The following ANO3 variants were observed in gnomAD, a reference collection of about 807,000 sequenced individuals.
The protein encoded by ANO3 is anoctamin 3.
ANO3 carries 99 observed loss-of-function variants against 144.8 expected under a neutral mutation model. That is an observed-to-expected ratio of 0.68 (90% confidence interval 0.58 to 0.81). ANO3 has a LOEUF of 0.81. ANO3 is among the 30% of genes least tolerant of loss of function. ANO3 has a pLI of 0.00. For missense variants in ANO3, 905 were observed against 1,202.2 expected (o/e 0.75, Z 3.66); for synonymous variants, 414 against 392.6 (o/e 1.05, Z -0.64).
intron 11 of ANO3, among the ~76,000 whole-genome samples, chr11:26,545,285 G>A (rs149276729): frequency 9.8e-4 from 149 of 152,176 alleles, no homozygotes; most frequent in Non-Finnish European, 1.1e-3. Context: ...GGCACAGCCT[G>A]TATTGTCTCA....
chr11:26,615,414 A>ATATATATATATATATTT (rs1352935016), intron 17 of ANO3, among the ~76,000 whole-genome samples: 58 of 130,658 alleles, frequency 4.4e-4, no homozygotes, highest in Admixed American at 1.4e-3. Flanking sequence ...ATATATATAT[A>ATATATATATATATATTT]TTTTTTTTTT....
intron 14 of ANO3, among the ~76,000 whole-genome samples, chr11:26,574,010 A>G (rs1490617119): frequency 6.6e-6 from 1 of 152,154 alleles, no homozygotes; most frequent in Non-Finnish European, 1.5e-5. Context: ...GACCAATCCC[A>G]CTTTAGACCT....
At chr11:26,507,844 T>C (rs1861497478) in intron 4 of ANO3, among the ~76,000 whole-genome samples, 1 of 152,196 alleles carries the variant, frequency 6.6e-6, no homozygotes, top group Non-Finnish European at 1.5e-5. Context: ...GAATAAAACA[T>C]ATGCATTTTT....
chr11:26,627,620 A>C (rs1359220723), intron 18 of ANO3, among the ~76,000 whole-genome samples: 1 of 152,136 alleles, frequency 6.6e-6, no homozygotes, highest in African/African-American at 2.4e-5. Flanking sequence ...TGGGAAAATC[A>C]TACTTAATAG....
intron 8 of ANO3, among the ~76,000 whole-genome samples, chr11:26,533,956 C>T (rs10767550): frequency 0.7 from 106,845 of 151,632 alleles, 37,999 homozygotes; most frequent in East Asian, 0.84. Flanking sequence ...ACCCTTCCAT[C>T]CCTCTTGAGC....
chr11:26,440,026 A>T (rs1001296479), intron 1 of ANO3, among the ~76,000 whole-genome samples: 5 of 152,192 alleles, frequency 3.3e-5, no homozygotes, highest in African/African-American at 1.2e-4. Context: ...CACAATAAAA[A>T]GTCCCTTTGC....
intron 1 of ANO3, among the ~76,000 whole-genome samples, chr11:26,279,039 A>G (rs1229554008): frequency 6.6e-6 from 1 of 152,158 alleles, no homozygotes; most frequent in Admixed American, 6.6e-5. Context: ...TGTCCTGAAA[A>G]GAGGCAATTT....
At position 26,547,410 on chromosome 11, in the gene ANO3, A is replaced by G; in HGVS notation, c.1155-6A>G. 2 of 1,610,464 alleles carry G rather than the reference A, an allele frequency of 1.2e-6. No homozygotes were observed. The highest frequency in any genetic ancestry group is 3.3e-4 in the Middle Eastern group (2 of 6,032). ...ACTCAGTCTAAGGATTTGCTTTCTC[A>G]TGCAGGCTATACTTTGGTGAGAAGA... On this transcript the variant is annotated splice_region_variant and splice_polypyrimidine_tract_variant and intron_variant, in intron 11 of 26. Transcript: ENST00000256737.
At chr11:26,569,582 C>T (rs566178807) in intron 14 of ANO3, among the ~76,000 whole-genome samples, 16 of 152,076 alleles carry the variant, frequency 1.1e-4, no homozygotes, top group African/African-American at 3.6e-4. Flanking sequence ...GAGATTTGGC[C>T]GAAGTTTGAC....
At chr11:26,356,505 T>C (rs1206875977) in intron 1 of ANO3, among the ~76,000 whole-genome samples, 3 of 152,190 alleles carry the variant, frequency 2.0e-5, no homozygotes, top group African/African-American at 7.2e-5. Context: ...ATACAGTATA[T>C]ATTGTTTTTT....
At chr11:26,337,897 T>C (rs1337304802) in intron 1 of ANO3, among the ~76,000 whole-genome samples, 1 of 151,996 alleles carries the variant, frequency 6.6e-6, no homozygotes, top group East Asian at 1.9e-4. Flanking sequence ...ATTGCACCAC[T>C]GCACTTCAGC....
intron 14 of ANO3, among the ~76,000 whole-genome samples, chr11:26,594,901 T>G (rs1326106634): frequency 6.6e-6 from 1 of 152,200 alleles, no homozygotes; most frequent in Non-Finnish European, 1.5e-5. Context: ...GGGGCCAGGT[T>G]TCTCCCCCTT....
chr11:26,403,823 C>T (rs566374978), intron 1 of ANO3, among the ~76,000 whole-genome samples: 1 of 151,934 alleles, frequency 6.6e-6, no homozygotes, highest in East Asian at 1.9e-4. Flanking sequence ...CCTCCTTGAA[C>T]ATTTCAAGCA....
At chr11:26,247,725 A>ATTTTTT (rs1852828683) in intron 1 of ANO3, among the ~76,000 whole-genome samples, 1 of 60,114 alleles carries the variant, frequency 1.7e-5, no homozygotes, top group Non-Finnish European at 3.4e-5. Context: ...AGCTCCAGTC[A>ATTTTTT]CTTTTTTTTT....
At chr11:26,363,265 T>C (rs1424102494) in intron 1 of ANO3, among the ~76,000 whole-genome samples, 1 of 152,202 alleles carries the variant, frequency 6.6e-6, no homozygotes, top group Non-Finnish European at 1.5e-5. Context: ...TCTTAATTTG[T>C]TGATGCCCAT....
chr11:26,551,086 C>T (rs1849919805), intron 12 of ANO3, among the ~76,000 whole-genome samples: 1 of 151,956 alleles, frequency 6.6e-6, no homozygotes, highest in African/African-American at 2.4e-5. Flanking sequence ...TCACACTTTT[C>T]CCCAAAAATG....
chr11:26,487,800 T>C (rs1285976867), intron 4 of ANO3, among the ~76,000 whole-genome samples: 1 of 152,088 alleles, frequency 6.6e-6, no homozygotes, highest in East Asian at 1.9e-4. Context: ...AGAGAGATGA[T>C]TTAGGGTATC....
At chr11:26,399,543 C>A (rs771258644) in intron 1 of ANO3, among the ~76,000 whole-genome samples, 18 of 151,486 alleles carry the variant, frequency 1.2e-4, no homozygotes, top group Non-Finnish European at 2.2e-4. Context: ...TGTGGGAGGC[C>A]CATATCTGGG....
intron 1 of ANO3, among the ~76,000 whole-genome samples, chr11:26,205,874 A>C (rs1271270785): frequency 6.6e-6 from 1 of 152,224 alleles, no homozygotes; most frequent in East Asian, 1.9e-4. Context: ...TTAAAAGAAA[A>C]TACAAAAGCC....
Sources: allele counts gnomAD v4.1 joint callset (sites outside exome capture counted in the v4.1 genomes callset), GRCh38; gene constraint gnomAD v4.1.1; transcripts MANE v1.5; gene names NCBI Gene and HGNC (gene_info 2026-07-23, HGNC 2026-07-21).